Variants in DCDC1 observed in about 807,000 individuals in gnomAD.
The protein encoded by DCDC1 is doublecortin domain containing 1, also known as doublecortin domain-containing protein 1.
DCDC1 carries 200 observed loss-of-function variants against 178.3 expected under a neutral mutation model. The ratio of observed to expected loss-of-function variants is 1.12; its 90% CI spans 1.00 to 1.26. The LOEUF (loss-of-function observed/expected upper bound fraction) is 1.26. Among genes scored for constraint, DCDC1 ranks in the 50% most tolerant of loss-of-function variants. The pLI, the probability that DCDC1 is intolerant of heterozygous loss-of-function variation, is 0.00. For missense variants in DCDC1, 1,983 were observed against 1,749.2 expected, an observed-to-expected ratio of 1.13 and a Z score of -2.38; for synonymous variants, 690 against 604.8, an observed-to-expected ratio of 1.14 and a Z score of -2.07.
intron 20 of DCDC1, among the ~76,000 whole-genome samples, chr11:31,038,181 C>G (rs959400741): frequency 1.3e-5 from 2 of 151,246 alleles, no homozygotes; most frequent in Admixed American, 6.6e-5. Flanking sequence ...CAAACCTGCA[C>G]GTTGTACACA....
At chr11:30,878,412 C>T in intron 38 of DCDC1, 132 bp downstream of exon 38, 2 of 812,488 alleles carry the variant, frequency 2.5e-6, no homozygotes, top group Non-Finnish European at 3.5e-6. Flanking sequence ...TGTGATTGTG[C>T]CACTACACTC....
At chr11:30,965,820 C>T (rs567436746) in intron 20 of DCDC1, among the ~76,000 whole-genome samples, 3 of 134,308 alleles carry the variant, frequency 2.2e-5, no homozygotes, top group Non-Finnish European at 4.7e-5. Context: ...TCTCACTGTT[C>T]AATTCCCACC....
At chr11:30,926,047 C>T (rs770020325) in intron 22 of DCDC1, among the ~76,000 whole-genome samples, 1 of 152,108 alleles carries the variant, frequency 6.6e-6, no homozygotes, top group Non-Finnish European at 1.5e-5. Flanking sequence ...TTTGTAGTTC[C>T]CTGAGGAGCT....
At chr11:31,001,491 T>C (rs1012810135) in intron 20 of DCDC1, among the ~76,000 whole-genome samples, 5 of 152,202 alleles carry the variant, frequency 3.3e-5, no homozygotes, top group African/African-American at 4.8e-5. Context: ...GGGCTGCAGT[T>C]AATTACATGA....
At chr11:30,939,441 A>G (rs1947493422) in intron 21 of DCDC1, among the ~76,000 whole-genome samples, 1 of 152,206 alleles carries the variant, frequency 6.6e-6, no homozygotes, top group African/African-American at 2.4e-5. Flanking sequence ...AGAGTTTTTA[A>G]TAACAGTCTT....
chr11:31,033,573 A>T (rs776743599), intron 20 of DCDC1, among the ~76,000 whole-genome samples: 9 of 152,202 alleles, frequency 5.9e-5, no homozygotes, highest in Non-Finnish European at 1.0e-4. Flanking sequence ...AATTCTGAGG[A>T]ATTATATTTC....
chr11:30,927,127 G>T (rs986464465), intron 22 of DCDC1, among the ~76,000 whole-genome samples: 3 of 152,006 alleles, frequency 2.0e-5, no homozygotes, highest in African/African-American at 7.3e-5. Flanking sequence ...TCTTGCTTTG[G>T]ATTTTTGTCT....
intron 9 of DCDC1, among the ~76,000 whole-genome samples, chr11:31,143,068 T>C (rs1284971671): frequency 6.6e-6 from 1 of 152,102 alleles, no homozygotes; most frequent in African/African-American, 2.4e-5. Flanking sequence ...AAGTGCAATA[T>C]GGTTAAGGAG....
chr11:31,253,831 G>C (rs1479452784), intron 8 of DCDC1, among the ~76,000 whole-genome samples: 1 of 152,082 alleles, frequency 6.6e-6, no homozygotes, highest in African/African-American at 2.4e-5. Flanking sequence ...CATTATTATT[G>C]AAAGTATTTG....
chr11:31,321,730 A>G (rs1240015069), intron 3 of DCDC1, among the ~76,000 whole-genome samples: 1 of 152,144 alleles, frequency 6.6e-6, no homozygotes, highest in Non-Finnish European at 1.5e-5. Flanking sequence ...ATCTATACCT[A>G]TTACTGTACT....
At chr11:31,349,036 T>TTA (rs1554917700) in intron 1 of DCDC1, among the ~76,000 whole-genome samples, 57 of 151,866 alleles carry the variant, frequency 3.8e-4, no homozygotes, top group African/African-American at 1.4e-3. Context: ...TATTTTTTTT[T>TTA]AAGTGGGGAG....
chr11:30,908,143 A>T (rs1945204722), intron 29 of DCDC1, among the ~76,000 whole-genome samples: 1 of 118,264 alleles, frequency 8.5e-6, no homozygotes. Flanking sequence ...ATCATGACTG[A>T]AAATGGAAAA....
intron 11 of DCDC1, among the ~76,000 whole-genome samples, chr11:31,121,479 GGAGT>G (rs1960795804): frequency 6.7e-6 from 1 of 148,580 alleles, no homozygotes; most frequent in African/African-American, 2.5e-5. Context: ...TGCAAAAATG[GGAGT>G]GAGGCAATAT....
chr11:30,876,872 TGGCTCCCTTTCCAACG>T (rs997534643), intron 38 of DCDC1, among the ~76,000 whole-genome samples: 2 of 152,112 alleles, frequency 1.3e-5, no homozygotes, highest in Non-Finnish European at 2.9e-5. Context: ...AGAGTCCTCT[TGGCTCCCTTTCCAACG>T]GGGAGCAAGT....
chr11:30,925,327 G>T lies in DCDC1; in HGVS notation c.2979C>A (p.Asp993Glu), dbSNP rs529755379. The change falls in exon 23 of 39, where the codon GAC (aspartate) becomes GAA (glutamate). Residue 993 changes from aspartate (D) to glutamate (E), a missense_variant. Asp to Glu is a conservative substitution (Grantham distance 45, BLOSUM62 2). Coordinates refer to ENST00000684477, the MANE Select transcript of DCDC1 (RefSeq NM_001387274.1). ...EKGKEIFALK[D>E]LQRDELVYVS... ...TCTTTACCAGTTCATCTCTTTGCAG[G>T]TCTTTTAAGGCAAATATTTCCTTCC... is the stretch of plus-strand genomic sequence containing the variant. 2.4e-5 allele frequency: 39 copies of T among 1,613,514 alleles called. No homozygotes were observed. Among genetic ancestry groups the T allele is most frequent in the Non-Finnish European group, 3.2e-5 (38 of 1,179,722 alleles).
intron 20 of DCDC1, among the ~76,000 whole-genome samples, chr11:31,063,516 G>C (rs1956070467): frequency 6.6e-6 from 1 of 152,030 alleles, no homozygotes; most frequent in Non-Finnish European, 1.5e-5. Context: ...GAATAAAATA[G>C]CTTTTAATTG....
intron 32 of DCDC1, 39 bp from the exon 33 acceptor site, chr11:30,900,537 A>G (rs542378305): frequency 6.6e-5 from 91 of 1,385,078 alleles, no homozygotes; most frequent in Non-Finnish European, 7.7e-5. Flanking sequence ...TGTTCAACGA[A>G]TAATGAATAA....
intron 20 of DCDC1, among the ~76,000 whole-genome samples, chr11:31,049,762 C>T (rs1174090667): frequency 1.3e-5 from 2 of 152,234 alleles, no homozygotes; most frequent in South Asian, 2.1e-4. Context: ...GGTCTGTTTG[C>T]GGGAGAAGTT....
chr11:31,298,568 T>C (rs1396179971), intron 6 of DCDC1, among the ~76,000 whole-genome samples: 1 of 152,220 alleles, frequency 6.6e-6, no homozygotes, highest in African/African-American at 2.4e-5. Context: ...GAGAAACTTA[T>C]GTTCCAACCA....
Sources: gnomAD v4.1 joint callset for allele counts (sites outside exome capture counted in the v4.1 genomes callset) on GRCh38, gnomAD v4.1.1 for gene constraint, MANE v1.5 for transcripts, NCBI Gene and HGNC (gene_info 2026-07-23, HGNC 2026-07-21) for gene names.